TBC1D5: variants seen among roughly 807,000 people sequenced by gnomAD.
TBC1D5 encodes the protein TBC1 domain family member 5.
TBC1D5 carries 75 observed loss-of-function variants against 100.3 expected under a neutral mutation model. The ratio of observed to expected loss-of-function variants is 0.75; its 90% confidence interval spans 0.62 to 0.91. The LOEUF is 0.91. Ranked by LOEUF, TBC1D5 falls within the 40% of genes least tolerant of loss-of-function variation. The pLI is 0.00. For missense variants in TBC1D5, 910 were observed against 942.4 expected, an observed-to-expected ratio of 0.97 and a Z score of 0.45; for synonymous variants, 323 against 325.6, an observed-to-expected ratio of 0.99 and a Z score of 0.09.
chr3:17,185,766 G>A (rs1455031218), intron 18 of TBC1D5, among the ~76,000 whole-genome samples: 1 of 151,860 alleles, frequency 6.6e-6, no homozygotes, highest in Admixed American at 6.6e-5. Flanking sequence ...CTCTTAAAAT[G>A]TGAGATTTCC....
intron 14 of TBC1D5, among the ~76,000 whole-genome samples, chr3:17,303,309 G>C (rs1485741913): frequency 6.6e-6 from 1 of 152,176 alleles, no homozygotes; most frequent in African/African-American, 2.4e-5. Context: ...ATGCCTCTAT[G>C]CATCAATCAT....
chr3:17,690,509 C>A lies in TBC1D5; in HGVS notation c.-101+48834G>T, dbSNP rs1260540093. Among the ~76,000 whole-genome samples the A allele has an allele frequency of 6.8e-5, 2 of 29,562 alleles. 1 individual carries two copies. 19.4% of individuals were successfully genotyped at this position (29,562 alleles called of 152,430 possible). On this transcript the variant is annotated intron_variant, in intron 1 of 21. Coordinates refer to ENST00000253692, the Ensembl canonical transcript of TBC1D5. ...GGGATTACAGGCGTGAGCCACCGCG[C>A]CCGGCCTAAAAATAGCCATATTTTA...
chr3:17,282,613 T>C (rs2080731702), intron 15 of TBC1D5, among the ~76,000 whole-genome samples: 1 of 152,212 alleles, frequency 6.6e-6, no homozygotes, highest in South Asian at 2.1e-4. Flanking sequence ...CGAGCAATCA[T>C]TTCCACAAAG....
chr3:17,221,105 T>TA (rs1267898250), intron 17 of TBC1D5, among the ~76,000 whole-genome samples: 3 of 152,022 alleles, frequency 2.0e-5, no homozygotes, highest in Non-Finnish European at 2.9e-5. Context: ...TATCTTCCTT[T>TA]AAAAAACCAT....
At chr3:17,734,463 A>G (rs2076806400) in intron 1 of TBC1D5, among the ~76,000 whole-genome samples, 1 of 152,190 alleles carries the variant, frequency 6.6e-6, no homozygotes. Context: ...ACAACTAAAC[A>G]TGTTCTAGAA....
chr3:17,457,858 T>C (rs959250927), intron 3 of TBC1D5, among the ~76,000 whole-genome samples: 1 of 152,192 alleles, frequency 6.6e-6, no homozygotes, highest in East Asian at 1.9e-4. Flanking sequence ...GGGGTTTGCA[T>C]CAACATAATT....
At chr3:17,676,100 G>A (rs1364505770) in intron 1 of TBC1D5, among the ~76,000 whole-genome samples, 1 of 151,540 alleles carries the variant, frequency 6.6e-6, no homozygotes, top group Admixed American at 6.6e-5. Context: ...GATTACCCCA[G>A]GATGACAACA....
At chr3:17,564,256 A>G (rs1249954198) in intron 2 of TBC1D5, among the ~76,000 whole-genome samples, 2 of 152,200 alleles carry the variant, frequency 1.3e-5, no homozygotes, top group South Asian at 2.1e-4. Context: ...TCATTACTTA[A>G]AAGTTGAAAA....
chr3:17,531,212 C>T (rs1387700742), intron 2 of TBC1D5, among the ~76,000 whole-genome samples: 3 of 152,184 alleles, frequency 2.0e-5, no homozygotes, highest in Non-Finnish European at 4.4e-5. Context: ...AGAGCCAAGT[C>T]ATGAGTGAAC....
At chr3:17,520,189 A>G (rs1030191588) in intron 2 of TBC1D5, among the ~76,000 whole-genome samples, 34 of 152,240 alleles carry the variant, frequency 2.2e-4, no homozygotes, top group Non-Finnish European at 1.3e-4. Flanking sequence ...ACAGGCTTAT[A>G]GTGCATATAA....
At chr3:17,643,602 G>GTT (rs1245606978) in intron 1 of TBC1D5, among the ~76,000 whole-genome samples, 2 of 151,978 alleles carry the variant, frequency 1.3e-5, no homozygotes, top group Admixed American at 1.3e-4. Flanking sequence ...TTTTTAAACT[G>GTT]TATCAAATGT....
At chr3:17,553,043 A>G (rs1366271082) in intron 2 of TBC1D5, among the ~76,000 whole-genome samples, 1 of 152,146 alleles carries the variant, frequency 6.6e-6, no homozygotes, top group East Asian at 1.9e-4. Context: ...AAAAAATACA[A>G]AATTGACTAC....
intron 3 of TBC1D5, among the ~76,000 whole-genome samples, chr3:17,431,852 G>C (rs1444191331): frequency 6.6e-6 from 1 of 152,050 alleles, no homozygotes; most frequent in Non-Finnish European, 1.5e-5. Flanking sequence ...AGCTTTAACT[G>C]AAGTCATGTT....
intron 19 of TBC1D5, among the ~76,000 whole-genome samples, chr3:17,178,447 C>T (rs993195426): frequency 5.3e-5 from 8 of 152,182 alleles, no homozygotes; most frequent in African/African-American, 1.7e-4. Flanking sequence ...CAAATGTTAG[C>T]AATTGTGAAC....
chr3:17,459,815 T>C (rs1333969664), intron 3 of TBC1D5, among the ~76,000 whole-genome samples: 8 of 152,062 alleles, frequency 5.3e-5, no homozygotes, highest in Non-Finnish European at 7.4e-5. Flanking sequence ...TCGTAACACA[T>C]AGATGAATTG....
intron 2 of TBC1D5, among the ~76,000 whole-genome samples, chr3:17,538,637 C>T (rs1461729218): frequency 6.6e-6 from 1 of 152,208 alleles, no homozygotes; most frequent in Non-Finnish European, 1.5e-5. Flanking sequence ...ATTCTTTCCT[C>T]CAAGGAGGCA....
chr3:17,739,994 C>T (rs1292518806), exon 1 of TBC1D5: 1 of 150,900 alleles, frequency 6.6e-6, no homozygotes, highest in Admixed American at 6.6e-5. Flanking sequence ...AAGAGCGAAA[C>T]TCCTTTTCAA....
At chr3:17,432,843 C>A (rs2094467419) in intron 3 of TBC1D5, among the ~76,000 whole-genome samples, 1 of 152,168 alleles carries the variant, frequency 6.6e-6, no homozygotes, top group African/African-American at 2.4e-5. Flanking sequence ...ATGACATCAG[C>A]AAGATGGCAG....
intron 18 of TBC1D5, 72 bp downstream of exon 19, chr3:17,214,135 A>C: frequency 2.0e-6 from 3 of 1,485,692 alleles, no homozygotes; most frequent in Non-Finnish European, 2.7e-6. Context: ...GGGCACTAAC[A>C]GAGCTTTCAT....
Sources: allele counts gnomAD v4.1 joint callset (sites outside exome capture counted in the v4.1 genomes callset), GRCh38; gene constraint gnomAD v4.1.1; transcripts MANE v1.5; gene names NCBI Gene and HGNC (gene_info 2026-07-23, HGNC 2026-07-21).